Variants in SLC9A6 observed in about 807,000 individuals in gnomAD.
The protein encoded by SLC9A6 is solute carrier family 9 member A6, also known as sodium/hydrogen exchanger 6.
Under a neutral mutation model 45.3 loss-of-function variants are expected in SLC9A6, and 6 were observed. That is an observed-to-expected ratio of 0.13 (90% CI 0.07 to 0.26). The LOEUF (loss-of-function observed/expected upper bound fraction) is 0.26, where lower values mean the gene tolerates loss of function less well. Among genes scored for constraint, SLC9A6 ranks in the 10% least tolerant of loss-of-function variants. The pLI, the probability that SLC9A6 is intolerant of heterozygous loss-of-function variation, is 1.00. For missense variants in SLC9A6, 278 were observed against 503.7 expected, an observed-to-expected ratio of 0.55 and a Z score of 4.29; for synonymous variants, 191 against 187.7, an observed-to-expected ratio of 1.02 and a Z score of -0.14.
At chrX:136,000,254 CAAAAAAAAAAAAAAA>C (rs1212509294) in intron 6 of SLC9A6, among the ~76,000 whole-genome samples, 1 of 15,785 alleles carries the variant, frequency 6.3e-5, no homozygotes, top group South Asian at 2.2e-3. Context: ...ACCCTGTCTC[CAAAAAAAAAAAAAAA>C]AAAAAAAAAA....
At chrX:135,983,022 A>G (rs781965621), upstream of SLC9A6, among the ~76,000 whole-genome samples, 1 of 111,592 alleles carries the variant, frequency 9.0e-6, no homozygotes, top group East Asian at 2.8e-4. Flanking sequence ...TGTGAAACAG[A>G]TTCCCTAGTA....
intron 15 of SLC9A6, among the ~76,000 whole-genome samples, chrX:136,032,318 C>T (rs971393371): frequency 2.7e-5 from 3 of 112,381 alleles, no homozygotes; most frequent in African/African-American, 9.7e-5. Context: ...GTGATATACC[C>T]GCCTTGGCTT....
chrX:136,026,030 A>G (rs149822903), intron 13 of SLC9A6, among the ~76,000 whole-genome samples: 247 of 112,303 alleles, frequency 2.2e-3, no homozygotes, highest in African/African-American at 7.6e-3. Flanking sequence ...AATTTAATCT[A>G]CATCACTAGC....
intron 11 of SLC9A6, among the ~76,000 whole-genome samples, chrX:136,019,391 G>A (rs1330444100): frequency 2.7e-5 from 3 of 111,668 alleles, no homozygotes; most frequent in South Asian, 3.8e-4. Flanking sequence ...ATGTGCACAC[G>A]TCCCTTCCAC....
intron 8 of SLC9A6, among the ~76,000 whole-genome samples, chrX:136,011,342 C>T (rs1407127308): frequency 2.7e-5 from 3 of 111,902 alleles, no homozygotes; most frequent in East Asian, 2.8e-4. Flanking sequence ...CGAGTTCAAG[C>T]GATTCCCCCG....
Position 135,985,465 on chromosome X carries a change from G to C in SLC9A6, c.-69G>C. The C allele has an allele frequency of 1.0e-6, 1 of 999,097 alleles. No individual in the cohort carries two copies. The highest frequency in any genetic ancestry group is 1.3e-6 in the Non-Finnish European group (1 of 780,035). The allele number at this position is 999,097 out of a possible 1,213,427, so 82.3% of individuals were successfully genotyped here. A position where few individuals can be genotyped will look rare whatever the true frequency, so the allele number is the denominator to read the frequency against. On this transcript the variant is annotated 5_prime_UTR_variant, in exon 1 of 18. Transcript: ENST00000630721. ...CTCGGGGAGTGGTCCGACCGCGGGC[G>C]GCCGCCGGTGAGGTAGGGGCGGGAG...
rs1207049915 is a variant in SLC9A6 at position 136,045,859 on chromosome X, G to T, written c.*1135G>T. The T allele has an allele frequency of 6.3e-5, 7 of 111,857 alleles. No homozygotes were observed. The highest frequency in any genetic ancestry group is 2.3e-4 in the African/African-American group (7 of 30,749). 9.2% of individuals were successfully genotyped at this position (111,857 alleles called of 1,213,427 possible). Reference sequence around the variant, plus strand: ...CGAATATTCTGGAGCACTGATTGCAGCAGGGTGGCTCCTTTGTGTGCAGCA... The same window carrying T: ...CGAATATTCTGGAGCACTGATTGCATCAGGGTGGCTCCTTTGTGTGCAGCA... On this transcript the variant is annotated 3_prime_UTR_variant, in exon 18 of 18. Transcript: ENST00000630721.
upstream of SLC9A6, among the ~76,000 whole-genome samples, chrX:135,980,596 G>T (rs1443303513): frequency 1.8e-5 from 2 of 111,407 alleles, no homozygotes; most frequent in African/African-American, 6.5e-5. Flanking sequence ...TCACTCTGTT[G>T]TCTAGGCTGG....
chrX:135,985,368 C>T, upstream of SLC9A6: 1 of 365,848 alleles, frequency 2.7e-6, no homozygotes, highest in Non-Finnish European at 4.4e-6. Flanking sequence ...GATGCCGCGG[C>T]CCCTTTAAGA....
At chrX:136,023,792 T>G (rs1556620226) in intron 12 of SLC9A6, among the ~76,000 whole-genome samples, 1 of 111,499 alleles carries the variant, frequency 9.0e-6, no homozygotes, top group African/African-American at 3.3e-5. Flanking sequence ...CCAAAAAGAG[T>G]GAATTTTACT....
chrX:136,030,266 C>T, intron 15 of SLC9A6, 104 bp downstream of exon 15: 2 of 813,099 alleles, frequency 2.5e-6, no homozygotes, highest in Non-Finnish European at 3.7e-6. Flanking sequence ...AGATCCTGTC[C>T]TCTTTGCCTC....
intron 11 of SLC9A6, among the ~76,000 whole-genome samples, chrX:136,022,139 G>T (rs1319729990): frequency 1.8e-5 from 2 of 111,111 alleles, no homozygotes; most frequent in African/African-American, 6.5e-5. Flanking sequence ...AGTTTTCTCA[G>T]TATTACTCTT....
At position 136,040,103 on chromosome X, in the gene SLC9A6, C is replaced by T. The variant is rs2307131; in HGVS notation, c.1689C>T (p.Ser563=). The T allele has an allele frequency of 0.033, 40,451 of 1,208,581 alleles. 571 individuals carry two copies. Among genetic ancestry groups the T allele is most frequent in the South Asian group, 0.11 (6,001 of 56,568 alleles). ...ATCTGAAGCCTCTGCTGACCCACAG[C>T]GGGCCTCCGCTGACAACAACACTCC... ...HNYLKPLLTH[S]GPPLTTTLPA... is the part of the protein sequence containing the mutation. Residue 563 remains serine (S), a synonymous_variant, in exon 17 of 18, where the codon AGC becomes AGT. Transcript: ENST00000630721.
rs1034214647 is a variant in SLC9A6 at position 136,001,206 on chromosome X, G to A, written c.638-902G>A. On this transcript the variant is annotated intron_variant, in intron 6 of 17. Transcript: ENST00000630721. Reference sequence around the variant, plus strand: ...AAAAAAATTAGCCAGGTGTTCTGGCGGGCGCCTGTAGTCCCAGCTACTCGG... The same window carrying A: ...AAAAAAATTAGCCAGGTGTTCTGGCAGGCGCCTGTAGTCCCAGCTACTCGG... Among the ~76,000 whole-genome samples the A allele has an allele frequency of 7.0e-4, 76 of 108,006 alleles. 1 individual carries two copies. Among genetic ancestry groups the A allele is most frequent in the African/African-American group, 2.5e-3 (75 of 29,638 alleles). 93.8% of individuals were successfully genotyped at this position (108,006 alleles called of 115,157 possible).
intron 2 of SLC9A6, among the ~76,000 whole-genome samples, chrX:135,989,367 T>G (rs1556615358): frequency 8.9e-6 from 1 of 112,083 alleles, no homozygotes; most frequent in Non-Finnish European, 1.9e-5. Context: ...TGAAAAGTGA[T>G]CACGCACTAC....
At chrX:135,983,633 A>T (rs1421442586), upstream of SLC9A6, 1 of 108,360 alleles carries the variant, frequency 9.2e-6, no homozygotes, top group East Asian at 2.9e-4. Context: ...GGCCACATAA[A>T]CAGAGGTGGA....
chrX:136,021,071 A>G (rs1284623616), intron 11 of SLC9A6, among the ~76,000 whole-genome samples: 1 of 110,873 alleles, frequency 9.0e-6, no homozygotes, highest in East Asian at 2.8e-4. Context: ...CTCAGCTGAC[A>G]GATTGCTTCT....
chrX:136,027,097 G>T (rs2071241389), intron 13 of SLC9A6, among the ~76,000 whole-genome samples: 1 of 112,007 alleles, frequency 8.9e-6, no homozygotes, highest in Admixed American at 9.5e-5. Context: ...ATCAAAATAA[G>T]ATAGAAAAGG....
intron 1 of SLC9A6, chrX:135,975,439 C>G (rs1556613217): frequency 8.9e-6 from 1 of 112,118 alleles, no homozygotes; most frequent in Admixed American, 9.4e-5. Flanking sequence ...TTCCTGATCC[C>G]CTTATTCTGT....
Sources: gnomAD v4.1 joint callset for allele counts (sites outside exome capture counted in the v4.1 genomes callset) on GRCh38, gnomAD v4.1.1 for gene constraint, MANE v1.5 for transcripts, NCBI Gene and HGNC (gene_info 2026-07-23, HGNC 2026-07-21) for gene names.